Variants in BNC2 observed in about 807,000 individuals in gnomAD.
The protein encoded by BNC2 is basonuclin zinc finger protein 2.
BNC2 carries 20 observed loss-of-function variants against 76.3 expected under a neutral mutation model. That is an observed-to-expected ratio of 0.26 (90% confidence interval 0.18 to 0.38). The LOEUF is 0.38. BNC2 is among the 10% of genes least tolerant of loss of function. BNC2 has a pLI of 1.00. For missense variants in BNC2, 1,382 were observed against 1,399.8 expected, an observed-to-expected ratio of 0.99 and a Z score of 0.20; for synonymous variants, 582 against 514.8, an observed-to-expected ratio of 1.13 and a Z score of -1.77.
chr9:16,610,078 G>A (rs937391747), intron 3 of BNC2, among the ~76,000 whole-genome samples: 1 of 151,962 alleles, frequency 6.6e-6, no homozygotes, highest in Non-Finnish European at 1.5e-5. Flanking sequence ...AATTCTAAAG[G>A]AAAGGCCCAG....
chr9:16,869,892 T>C (rs1484557564), intron 1 of BNC2, among the ~76,000 whole-genome samples: 1 of 152,250 alleles, frequency 6.6e-6, no homozygotes, highest in African/African-American at 2.4e-5. Context: ...TCAGCATATA[T>C]AATTTTTTAT....
chr9:16,801,348 T>C (rs1001660043), intron 1 of BNC2, among the ~76,000 whole-genome samples: 10 of 152,026 alleles, frequency 6.6e-5, no homozygotes, highest in Non-Finnish European at 1.2e-4. Context: ...TGGGTTCAAG[T>C]GATTCTCCTG....
intron 4 of BNC2, among the ~76,000 whole-genome samples, chr9:16,582,616 AGG>A (rs1819656112): frequency 6.6e-6 from 1 of 152,198 alleles, no homozygotes; most frequent in South Asian, 2.1e-4. Flanking sequence ...TCAAGCAAGG[AGG>A]ATTTGCCAGC....
At chr9:16,783,827 C>T (rs1474378375) in intron 1 of BNC2, among the ~76,000 whole-genome samples, 1 of 152,164 alleles carries the variant, frequency 6.6e-6, no homozygotes, top group African/African-American at 2.4e-5. Flanking sequence ...TCATCCCTAA[C>T]CTTTGGCTAA....
At chr9:16,484,859 G>C (rs1196029270) in intron 5 of BNC2, among the ~76,000 whole-genome samples, 2 of 152,184 alleles carry the variant, frequency 1.3e-5, no homozygotes, top group Non-Finnish European at 2.9e-5. Flanking sequence ...CAGAGGGGAA[G>C]ACCAATGACA....
chr9:16,838,783 A>G (rs1451830714), intron 1 of BNC2, among the ~76,000 whole-genome samples: 1 of 152,210 alleles, frequency 6.6e-6, no homozygotes, highest in African/African-American at 2.4e-5. Flanking sequence ...TATGGATTCA[A>G]CATTATTTAT....
intron 1 of BNC2, among the ~76,000 whole-genome samples, chr9:16,806,537 A>G (rs1032090382): frequency 3.3e-5 from 5 of 152,264 alleles, no homozygotes; most frequent in African/African-American, 1.2e-4. Flanking sequence ...AAATTACGCC[A>G]TAAGTAAAGT....
chr9:16,628,700 G>T (rs141625489), intron 3 of BNC2, among the ~76,000 whole-genome samples: 1 of 152,262 alleles, frequency 6.6e-6, no homozygotes, highest in East Asian at 1.9e-4. Flanking sequence ...TTTTAAACTT[G>T]CCATTTATAC....
At chr9:16,763,456 G>T (rs1825608708) in intron 1 of BNC2, among the ~76,000 whole-genome samples, 1 of 152,066 alleles carries the variant, frequency 6.6e-6, no homozygotes, top group African/African-American at 2.4e-5. Context: ...TGTGGTCCCA[G>T]CTACATGGGA....
intron 1 of BNC2, among the ~76,000 whole-genome samples, chr9:16,847,690 A>T (rs981526767): frequency 1.3e-5 from 2 of 152,202 alleles, no homozygotes; most frequent in African/African-American, 4.8e-5. Context: ...GGCTTTAAAA[A>T]CTAAAACACA....
intron 1 of BNC2, among the ~76,000 whole-genome samples, chr9:16,756,264 G>A (rs1825381957): frequency 6.6e-6 from 1 of 152,044 alleles, no homozygotes; most frequent in Non-Finnish European, 1.5e-5. Context: ...CTTCGCTGTG[G>A]ATAATATGTC....
intron 3 of BNC2, chr9:16,626,031 G>A (rs1305726541): frequency 6.6e-6 from 1 of 152,204 alleles, no homozygotes; most frequent in East Asian, 1.9e-4. Flanking sequence ...ATCTTCTAAT[G>A]GATGAGGAGC....
At chr9:16,635,041 T>C (rs1300068123) in intron 3 of BNC2, among the ~76,000 whole-genome samples, 1 of 152,184 alleles carries the variant, frequency 6.6e-6, no homozygotes, top group Non-Finnish European at 1.5e-5. Flanking sequence ...TGGAAACCTA[T>C]TTTCAAAATA....
At chr9:16,837,002 T>C (rs908920425) in intron 1 of BNC2, among the ~76,000 whole-genome samples, 11 of 152,184 alleles carry the variant, frequency 7.2e-5, no homozygotes, top group Non-Finnish European at 1.6e-4. Context: ...AAAAAAAATT[T>C]ACCACATCAT....
In BNC2 at chr9:16,683,643, A is replaced by G. The variant is rs116542766; in HGVS notation, c.330+44154T>C. 2.7e-3 allele frequency among the ~76,000 whole-genome samples: 409 copies of G among 152,382 alleles called. 3 individuals carry two copies. The highest frequency in any genetic ancestry group is 9.5e-3 in the African/African-American group (395 of 41,596). On this transcript the variant is annotated intron_variant, in intron 3 of 6. Coordinates refer to ENST00000380672, the MANE Select transcript of BNC2 (RefSeq NM_017637.6). ...GGACACATGACATGGCAAGAATGAA[A>G]GCAGTCTAAGCTAAAAAATACTCCT...
intron 5 of BNC2, among the ~76,000 whole-genome samples, chr9:16,524,516 T>C (rs1817731325): frequency 6.6e-6 from 1 of 152,160 alleles, no homozygotes; most frequent in South Asian, 2.1e-4. Flanking sequence ...GGTGATTTCT[T>C]ATTCTAAATA....
chr9:16,817,839 C>T (rs1418346644), intron 1 of BNC2, among the ~76,000 whole-genome samples: 1 of 152,068 alleles, frequency 6.6e-6, no homozygotes. Flanking sequence ...TTAATGTCTG[C>T]CGTCTTGAAA....
intron 5 of BNC2, among the ~76,000 whole-genome samples, chr9:16,450,172 G>A (rs1240894396): frequency 6.6e-6 from 1 of 152,182 alleles, no homozygotes; most frequent in Admixed American, 6.5e-5. Context: ...ATTTGAAATT[G>A]TTTAACAATG....
chr9:16,816,098 C>A (rs1357663923), intron 1 of BNC2, among the ~76,000 whole-genome samples: 1 of 151,876 alleles, frequency 6.6e-6, no homozygotes, highest in Admixed American at 6.6e-5. Context: ...TCCCTTTTTT[C>A]CCTTTAATTA....
Sources: allele counts gnomAD v4.1 joint callset (sites outside exome capture counted in the v4.1 genomes callset), GRCh38; gene constraint gnomAD v4.1.1; transcripts MANE v1.5; gene names NCBI Gene and HGNC (gene_info 2026-07-23, HGNC 2026-07-21).